Variants in CLCA4 observed in about 807,000 individuals in gnomAD.
CLCA4 encodes the protein chloride channel accessory 4.
CLCA4 carries 69 observed loss-of-function variants against 78.9 expected under a neutral mutation model. That is an observed-to-expected ratio of 0.87 (90% CI 0.72 to 1.07). The LOEUF (loss-of-function observed/expected upper bound fraction) is 1.07, where lower values mean the gene tolerates loss of function less well. Ranked by LOEUF, CLCA4 falls within the 50% of genes least tolerant of loss-of-function variation. CLCA4 has a pLI of 0.00. For missense variants in CLCA4, 1,133 were observed against 1,095.8 expected, an observed-to-expected ratio of 1.03 and a Z score of -0.48; for synonymous variants, 362 against 375.8, an observed-to-expected ratio of 0.96 and a Z score of 0.42.
Position 86,580,597 on chromosome 1 carries a change from A to T in CLCA4, c.*252A>T, listed in dbSNP as rs1650689633. The T allele has an allele frequency of 3.1e-6, 1 of 323,502 alleles. No individual in the cohort carries two copies. Among genetic ancestry groups the T allele is most frequent in the South Asian group, 1.3e-4 (1 of 7,604 alleles). The allele number at this position is 323,502 out of a possible 1,614,324, so 20.0% of individuals were successfully genotyped here. ...ATTTTATTTGTAAGAAATAGTGATG[A>T]ACAAAGATCCTTTTTCATACTGATA... On this transcript the variant is annotated 3_prime_UTR_variant, in exon 14 of 14. Coordinates refer to ENST00000370563, the MANE Select transcript of CLCA4 (RefSeq NM_012128.4).
rs775221443 is a variant in CLCA4, at chr1:86,571,171, T to A, written c.1277T>A (p.Val426Glu). ...DNTASSCIDE[V>E]KQSGAIVHFI... The stretch of plus-strand genomic sequence containing the variant: ...ACTGCAAGTTCTTGTATTGATGAAG[T>A]GAAACAAAGTGGGGCCATTGTTCAT... Residue 426 changes from valine to glutamate, a missense_variant, in exon 8 of 14, where the codon GTG becomes GAG. By Grantham distance (121) the Val-to-Glu change is moderately radical. Coordinates refer to ENST00000370563, the MANE Select transcript of CLCA4 (RefSeq NM_012128.4). The A allele has an allele frequency of 1.6e-5, 25 of 1,612,870 alleles. No homozygotes were observed. The highest frequency in any genetic ancestry group is 4.0e-5 in the African/African-American group (3 of 74,836).
intron 1 of CLCA4, among the ~76,000 whole-genome samples, chr1:86,553,944 A>T (rs1367100459): frequency 6.6e-6 from 1 of 152,040 alleles, no homozygotes; most frequent in Non-Finnish European, 1.5e-5. Context: ...CAAAAAAAAA[A>T]GTTTGTGTGT....
At chr1:86,572,437 A>T (rs939679838) in intron 8 of CLCA4, among the ~76,000 whole-genome samples, 177 bp from the exon 9 acceptor site, 7 of 152,036 alleles carry the variant, frequency 4.6e-5, no homozygotes, top group Admixed American at 1.3e-4. Context: ...TTCATTCCCT[A>T]GTTATGACAT....
Position 86,580,232 on chromosome 1 carries a change from C to T in CLCA4, c.2647C>T (p.Pro883Ser). Reference sequence around the variant, plus strand: ...CATTGATCCTACACCTACTCCTACTCCTACTCCTACTCCTGATAAAAGTCA... The same window carrying T: ...CATTGATCCTACACCTACTCCTACTTCTACTCCTACTCCTGATAAAAGTCA... ...DDIDPTPTPT[P>S]TPTPDKSHNS... The change falls in exon 14 of 14, where the codon CCT (proline) becomes TCT (serine). Residue 883 changes from proline (P) to serine (S), a missense_variant. Transcript: ENST00000370563. 6.2e-7 allele frequency: 1 copy of T among 1,611,620 alleles called. No homozygotes were observed. The highest frequency in any genetic ancestry group is 8.5e-7 in the Non-Finnish European group (1 of 1,178,500).
At chr1:86,568,587 A>C (rs1201311067) in intron 7 of CLCA4, among the ~76,000 whole-genome samples, 1 of 151,806 alleles carries the variant, frequency 6.6e-6, no homozygotes, top group East Asian at 1.9e-4. Context: ...TCCCCCGCTC[A>C]GTAAAATTGT....
intron 1 of CLCA4, among the ~76,000 whole-genome samples, chr1:86,553,843 G>A (rs1368243826): frequency 6.6e-6 from 1 of 152,082 alleles, no homozygotes; most frequent in Non-Finnish European, 1.5e-5. Context: ...GGTCGAGGCA[G>A]GAGAATCGCT....
At chr1:86,563,593 C>A in intron 3 of CLCA4, 68 bp from the exon 4 acceptor site, 1 of 717,240 alleles carries the variant, frequency 1.4e-6, no homozygotes. Context: ...GAAAGAGAAG[C>A]TTCTTAAAAT....
At chr1:86,550,961 G>A (rs911594794) in intron 1 of CLCA4, among the ~76,000 whole-genome samples, 17 of 151,116 alleles carry the variant, frequency 1.1e-4, no homozygotes, top group South Asian at 4.2e-4. Context: ...CCTCCCGAGT[G>A]GCTGGGATTA....
At chr1:86,572,430 A>G (rs991541765) in intron 8 of CLCA4, among the ~76,000 whole-genome samples, 184 bp from the exon 9 acceptor site, 2 of 152,078 alleles carry the variant, frequency 1.3e-5, no homozygotes, top group Non-Finnish European at 2.9e-5. Flanking sequence ...GGTAGCTTTC[A>G]TTCCCTAGTT....
intron 1 of CLCA4, among the ~76,000 whole-genome samples, chr1:86,548,789 T>C (rs1649572551): frequency 6.6e-6 from 1 of 151,980 alleles, no homozygotes; most frequent in Non-Finnish European, 1.5e-5. Flanking sequence ...TCTGAGTCCT[T>C]CAGGAAGTTA....
chr1:86,567,272 T>A (rs1168853827), intron 6 of CLCA4, 152 bp from the exon 7 acceptor site: 6 of 682,536 alleles, frequency 8.8e-6, no homozygotes, highest in African/African-American at 1.8e-5. Context: ...TTTAATGTTA[T>A]CAATTAAAAA....
In CLCA4 at chr1:86,569,841, T is replaced by G. The variant is rs567160148; in HGVS notation, c.1183-1236T>G. Among the ~76,000 whole-genome samples, 9 of 152,050 alleles carry G rather than the reference T, an allele frequency of 5.9e-5. No individual in the cohort carries two copies. In the South Asian group the frequency reaches 1.9e-3, roughly 32 times the overall value. On this transcript the variant is annotated intron_variant, in intron 7 of 13. Coordinates refer to ENST00000370563, the MANE Select transcript of CLCA4 (RefSeq NM_012128.4). ...TTAATATATGAATGTAGGAATGTAG[T>G]TCCTACTGAATCCCCAGCACGGTGA...
At chr1:86,566,041 T>C (rs1650181538) in intron 6 of CLCA4, 21 bp downstream of exon 6, 1 of 1,592,858 alleles carries the variant, frequency 6.3e-7, no homozygotes, top group Admixed American at 1.7e-5. Context: ...TTTTTCTGGA[T>C]ATAGGGATGT....
intron 4 of CLCA4, 142 bp from the exon 5 acceptor site, chr1:86,565,132 C>T (rs1650138342): frequency 1.8e-6 from 1 of 543,512 alleles, no homozygotes; most frequent in Non-Finnish European, 3.2e-6. Context: ...ACCCTTAAAC[C>T]CTATAGCCAG....
At chr1:86,570,352 G>A (rs1047609276) in intron 7 of CLCA4, among the ~76,000 whole-genome samples, 55 of 151,946 alleles carry the variant, frequency 3.6e-4, no homozygotes, top group African/African-American at 1.3e-3. Context: ...GTCATCCTGG[G>A]CTAACTTCTC....
chr1:86,566,995 A>T (rs563213587), intron 6 of CLCA4, among the ~76,000 whole-genome samples: 1 of 151,968 alleles, frequency 6.6e-6, no homozygotes, highest in Non-Finnish European at 1.5e-5. Context: ...TTTCCAGTGG[A>T]TGGAGTGATT....
Position 86,580,501 on chromosome 1 carries a change from G to A in CLCA4, c.*156G>A. The A allele has an allele frequency of 2.0e-6, 1 of 503,126 alleles. No individual in the cohort carries two copies. The highest frequency in any genetic ancestry group is 3.2e-6 in the Non-Finnish European group (1 of 310,196). The allele number at this position is 503,126 out of a possible 1,614,324, so 31.2% of individuals were successfully genotyped here. A position where few individuals can be genotyped will look rare whatever the true frequency, so the allele number is the denominator to read the frequency against. ...TTAAGATGTCGGAAAAGGATACTTT[G>A]ATTAAATAAAAACACTCATGGATAT... On this transcript the variant is annotated 3_prime_UTR_variant, in exon 14 of 14. Coordinates refer to ENST00000370563, the MANE Select transcript of CLCA4 (RefSeq NM_012128.4).
rs901363958 is a variant in CLCA4 at position 86,575,571 on chromosome 1, A to C, written c.1923A>C (p.Glu641Asp). 3 of 1,612,726 alleles carry C rather than the reference A, an allele frequency of 1.9e-6. No homozygotes were observed. In the African/African-American group the frequency reaches 4.0e-5, roughly 22 times the overall value. ...TTGAATCACAGAATGGACATACAGA[A>C]GTTTTGGAACTTTTGGATAATGGTG... ...AFIESQNGHT[E>D]VLELLDNGAG... is the part of the protein sequence containing the mutation. Residue 641 changes from glutamate (E) to aspartate (D), a missense_variant, in exon 11 of 14, where the codon GAA (glutamate) becomes GAC (aspartate). Coordinates refer to ENST00000370563, the MANE Select transcript of CLCA4 (RefSeq NM_012128.4).
Position 86,562,867 on chromosome 1 carries a change from AAAAAG to A in CLCA4, c.449-791_449-787del, listed in dbSNP as rs1411666153. On this transcript the variant is annotated intron_variant, in intron 3 of 13. Transcript: ENST00000370563. ...AGACTCCATCTTAAAAAAAAAAAAA[AAAAAG>A]AAGAAGAAAGAAAAAGAAAAGAAAC... Among the ~76,000 whole-genome samples, 47 of 151,450 alleles carry A rather than the reference AAAAAG, an allele frequency of 3.1e-4. No individual in the cohort carries two copies. The East Asian group carries it at 5.0e-3, about 16-fold the overall frequency.
Sources: allele counts gnomAD v4.1 joint callset (sites outside exome capture counted in the v4.1 genomes callset), GRCh38; gene constraint gnomAD v4.1.1; transcripts MANE v1.5; gene names NCBI Gene and HGNC (gene_info 2026-07-23, HGNC 2026-07-21).